CCDC171: variants seen among roughly 807,000 people sequenced by gnomAD.
The protein encoded by CCDC171 is coiled-coil domain-containing protein 171.
Under a neutral mutation model 168.2 loss-of-function variants are expected in CCDC171, and 177 were observed. The observed-to-expected ratio is 1.05, with a 90% CI of 0.93 to 1.19. The LOEUF is 1.19. CCDC171 is among the 50% of genes most tolerant of loss of function. The pLI, the probability that CCDC171 is intolerant of heterozygous loss-of-function variation, is 0.00. For synonymous variants in CCDC171, 687 were observed against 540.8 expected, an observed-to-expected ratio of 1.27 and a Z score of -3.75; for missense variants, 1,991 against 1,539.0, an observed-to-expected ratio of 1.29 and a Z score of -4.91.
At chr9:15,924,760 C>T (rs1220506003) in intron 25 of CCDC171, among the ~76,000 whole-genome samples, 1 of 151,554 alleles carries the variant, frequency 6.6e-6, no homozygotes, top group Non-Finnish European at 1.5e-5. Context: ...TACCATCTGA[C>T]TTTTGAGTCT....
intron 12 of CCDC171, among the ~76,000 whole-genome samples, chr9:15,722,578 G>T (rs978013382): frequency 2.0e-5 from 3 of 152,146 alleles, no homozygotes; most frequent in Non-Finnish European, 4.4e-5. Context: ...AATACAATTA[G>T]TTAGCAAAGC....
At chr9:15,792,682 G>A (rs1303206045) in intron 21 of CCDC171, among the ~76,000 whole-genome samples, 1 of 152,088 alleles carries the variant, frequency 6.6e-6, no homozygotes, top group East Asian at 1.9e-4. Context: ...CATTCTTAAA[G>A]AAAATAATTT....
At chr9:15,982,426 GTATT>G (rs1831829296) in intron 3 of CCDC171, among the ~76,000 whole-genome samples, 1 of 152,020 alleles carries the variant, frequency 6.6e-6, no homozygotes, top group African/African-American at 2.4e-5. Context: ...ACGTGACAGA[GTATT>G]TAGCACACAG....
In CCDC171 at chr9:15,666,318, A is replaced by G. The variant is rs1237882975; in HGVS notation, c.1071A>G (p.Leu357=). 20 of 1,603,304 alleles carry G rather than the reference A, an allele frequency of 1.2e-5. No individual in the cohort carries two copies. Among genetic ancestry groups the G allele is most frequent in the Non-Finnish European group, 1.7e-5 (20 of 1,174,224 alleles). ...KHNAQESFAK[L]NLLEKEYFSK... ...ATGCACAAGAGAGCTTTGCAAAACT[A>G]AATTTGTAAGTATTCTATTGTAAAA... Residue 357 remains leucine (L), a synonymous_variant, in exon 9 of 26, where the codon CTA becomes CTG. Transcript: ENST00000380701.
intron 16 of CCDC171, among the ~76,000 whole-genome samples, chr9:15,734,913 C>G (rs1277809531): frequency 6.6e-6 from 1 of 152,038 alleles, no homozygotes; most frequent in Non-Finnish European, 1.5e-5. Context: ...TAAGTATATT[C>G]CATCTGCTGG....
chr9:15,915,771 G>A (rs942836159), intron 24 of CCDC171, among the ~76,000 whole-genome samples: 8 of 152,104 alleles, frequency 5.3e-5, no homozygotes, highest in Admixed American at 5.2e-4. Flanking sequence ...CCTTTACTAT[G>A]TTGAGGCCTC....
At chr9:15,746,580 G>C (rs2055296872) in intron 18 of CCDC171, among the ~76,000 whole-genome samples, 1 of 152,240 alleles carries the variant, frequency 6.6e-6, no homozygotes, top group Non-Finnish European at 1.5e-5. Flanking sequence ...ATTCTTGAAA[G>C]AGCTTAGAAA....
At chr9:15,810,053 CTGAT>C (rs1231566349) in intron 21 of CCDC171, among the ~76,000 whole-genome samples, 1 of 152,144 alleles carries the variant, frequency 6.6e-6, no homozygotes, top group Non-Finnish European at 1.5e-5. Context: ...ACACAGAGCA[CTGAT>C]TGGTGCATCC....
At chr9:15,612,823 T>C (rs1415233060) in intron 6 of CCDC171, among the ~76,000 whole-genome samples, 1 of 152,174 alleles carries the variant, frequency 6.6e-6, no homozygotes, top group Non-Finnish European at 1.5e-5. Context: ...AGAGTTGGAG[T>C]TCTTACCTGT....
the CCDC171 span, among the ~76,000 whole-genome samples, chr9:16,087,969 C>G: frequency 1.8e-3 from 278 of 152,124 alleles, 2 homozygotes; most frequent in Non-Finnish European, 3.1e-3. Flanking sequence ...TGTGAAAATC[C>G]TCAATAAAAT....
intron 18 of CCDC171, among the ~76,000 whole-genome samples, chr9:15,767,171 C>T (rs1334481398): frequency 2.0e-5 from 3 of 152,152 alleles, no homozygotes; most frequent in African/African-American, 4.8e-5. Context: ...AAAGACCACA[C>T]GAATTTATTA....
At chr9:15,964,349 T>A (rs2132686531) in intron 25 of CCDC171, among the ~76,000 whole-genome samples, 1 of 152,310 alleles carries the variant, frequency 6.6e-6, no homozygotes, top group East Asian at 1.9e-4. Flanking sequence ...TCAGTGGCAT[T>A]TTTCTATATG....
rs1328512413 is a variant in CCDC171 at position 15,553,272 on chromosome 9, T to G, written c.-142T>G. ...TTGGAGCGGCCCCTGGGGTCTTGGG[T>G]GTGCAGCACGGATCACGCGAGACCC... On this transcript the variant is annotated 5_prime_UTR_variant, in exon 1 of 26. Coordinates refer to ENST00000380701, the MANE Select transcript of CCDC171 (RefSeq NM_173550.4). The G allele has an allele frequency of 6.6e-6, 1 of 152,036 alleles. No individual in the cohort carries two copies. The highest frequency in any genetic ancestry group is 1.5e-5 in the Non-Finnish European group (1 of 68,088). The allele number at this position is 152,036 out of a possible 1,614,324, so 9.4% of individuals were successfully genotyped here. A position where few individuals can be genotyped will look rare whatever the true frequency, so the allele number is the denominator to read the frequency against.
chr9:15,808,672 G>A (rs1286281713), intron 21 of CCDC171, among the ~76,000 whole-genome samples: 5 of 152,280 alleles, frequency 3.3e-5, no homozygotes, highest in East Asian at 3.9e-4. Flanking sequence ...TATCACAGGC[G>A]TGAAGTTGGA....
intron 7 of CCDC171, among the ~76,000 whole-genome samples, chr9:15,634,744 C>A (rs547948740): frequency 1.4e-4 from 21 of 152,276 alleles, no homozygotes; most frequent in Middle Eastern, 3.4e-3. Flanking sequence ...TTACTATAAT[C>A]CATTTTGGAA....
At chr9:15,684,756 A>G (rs2050267064) in intron 10 of CCDC171, among the ~76,000 whole-genome samples, 2 of 152,146 alleles carry the variant, frequency 1.3e-5, no homozygotes, top group Admixed American at 1.3e-4. Flanking sequence ...GTAGTTTGTT[A>G]TCTCATTTTT....
intron 25 of CCDC171, among the ~76,000 whole-genome samples, chr9:15,955,558 A>G (rs1028786730): frequency 1.3e-5 from 2 of 152,138 alleles, no homozygotes; most frequent in Non-Finnish European, 2.9e-5. Flanking sequence ...TGGGAGATGG[A>G]TAGCTGCTGC....
chr9:15,727,016 G>T (rs1322047401), intron 14 of CCDC171, among the ~76,000 whole-genome samples: 1 of 152,044 alleles, frequency 6.6e-6, no homozygotes, highest in Non-Finnish European at 1.5e-5. Flanking sequence ...TATGAATTCT[G>T]CAGCATAGTA....
intron 6 of CCDC171, among the ~76,000 whole-genome samples, chr9:15,611,490 C>T (rs958552715): frequency 6.6e-6 from 1 of 152,072 alleles, no homozygotes; most frequent in Non-Finnish European, 1.5e-5. Flanking sequence ...TGGTAGTTTC[C>T]CTAGAAAGAA....
Sources: gnomAD v4.1 joint callset for allele counts (sites outside exome capture counted in the v4.1 genomes callset) on GRCh38, gnomAD v4.1.1 for gene constraint, MANE v1.5 for transcripts, NCBI Gene and HGNC (gene_info 2026-07-23, HGNC 2026-07-21) for gene names.